DCHS2: variants seen among roughly 807,000 people sequenced by gnomAD.
DCHS2 encodes the protein dachsous cadherin-related 2.
DCHS2 carries 142 observed loss-of-function variants against 182.4 expected under a neutral mutation model. The ratio of observed to expected loss-of-function variants is 0.78; its 90% CI spans 0.68 to 0.89. DCHS2 has a LOEUF of 0.89. Among genes scored for constraint, DCHS2 ranks in the 40% least tolerant of loss-of-function variants. The pLI is 0.00. For synonymous variants in DCHS2, 1,740 were observed against 1,663.3 expected, an observed-to-expected ratio of 1.05 and a Z score of -1.12; for missense variants, 4,319 against 4,198.6, an observed-to-expected ratio of 1.03 and a Z score of -0.79.
At chr4:154,319,021 A>G (rs945237472) in intron 9 of DCHS2, among the ~76,000 whole-genome samples, 1 of 152,140 alleles carries the variant, frequency 6.6e-6, no homozygotes, top group Non-Finnish European at 1.5e-5. Context: ...AACAGAGTAA[A>G]GAGCCCAGAA....
rs1468217192 is a variant in DCHS2 at position 154,489,716 on chromosome 4, G to A, written c.1640C>T (p.Ser547Leu). 1 of 1,551,590 alleles carries A rather than the reference G, an allele frequency of 6.4e-7. No individual in the cohort carries two copies. ...PLFSQQHYKA[S>L]VSEAAAPGTV... Reference sequence around the variant, plus strand: ...GCCAGGGGCCGCGGCCTCGGACACTGAGGCCTTGTAATGCTGTTGGCTGAA... The same window carrying A: ...GCCAGGGGCCGCGGCCTCGGACACTAAGGCCTTGTAATGCTGTTGGCTGAA... Residue 547 changes from serine to leucine, a missense_variant, in exon 1 of 20, where the codon TCA (serine) becomes TTA (leucine). By Grantham distance (145) the Ser-to-Leu change is moderately radical. Transcript: ENST00000357232.
Position 154,292,352 on chromosome 4 carries a change from C to G in DCHS2, c.6463+5499G>C, listed in dbSNP as rs115719735. Among the ~76,000 whole-genome samples the G allele has an allele frequency of 4.4e-3, 676 of 152,264 alleles. 4 individuals are homozygous for G. The highest frequency in any genetic ancestry group is 0.015 in the African/African-American group (643 of 41,554). On this transcript the variant is annotated intron_variant, in intron 13 of 19. Transcript: ENST00000357232. ...TGTCTGATTTCAGGGACTGATTTCA[C>G]TTTTTCACTCTGCACTTCACTATAT...
At chr4:154,337,916 T>A (rs563442595) in intron 3 of DCHS2, among the ~76,000 whole-genome samples, 26 of 152,170 alleles carry the variant, frequency 1.7e-4, no homozygotes, top group African/African-American at 2.4e-4. Flanking sequence ...AATTTTTGTA[T>A]CTTTAGTAGA....
chr4:154,387,040 T>C (rs1731452111), intron 1 of DCHS2, among the ~76,000 whole-genome samples: 1 of 152,218 alleles, frequency 6.6e-6, no homozygotes, highest in Non-Finnish European at 1.5e-5. Flanking sequence ...AGAACATCTT[T>C]TAAAAGGTTT....
At chr4:154,438,586 C>T (rs1207592765) in intron 1 of DCHS2, among the ~76,000 whole-genome samples, 1 of 152,126 alleles carries the variant, frequency 6.6e-6, no homozygotes, top group Admixed American at 6.6e-5. Context: ...TTTGCGCTAA[C>T]ATCGGTAAAC....
At chr4:154,245,493 T>A (rs1228291810) in intron 16 of DCHS2, among the ~76,000 whole-genome samples, 1 of 152,126 alleles carries the variant, frequency 6.6e-6, no homozygotes, top group African/African-American at 2.4e-5. Flanking sequence ...GGTAGAGGAT[T>A]TTTCAAAACT....
At chr4:154,441,602 T>TA (rs1319109702) in intron 1 of DCHS2, among the ~76,000 whole-genome samples, 1 of 143,116 alleles carries the variant, frequency 7.0e-6, no homozygotes, top group African/African-American at 2.5e-5. Flanking sequence ...ACTCCTCTTG[T>TA]ACCAGAACAT....
chr4:154,447,521 A>G (rs1412413225), intron 1 of DCHS2, among the ~76,000 whole-genome samples: 2 of 152,162 alleles, frequency 1.3e-5, no homozygotes, highest in East Asian at 1.9e-4. Flanking sequence ...TTAAAAATAT[A>G]TATCTTTAGG....
At chr4:154,259,944 T>C (rs1040913834) in intron 14 of DCHS2, among the ~76,000 whole-genome samples, 188 bp from the exon 15 acceptor site, 3 of 152,154 alleles carry the variant, frequency 2.0e-5, no homozygotes, top group Non-Finnish European at 2.9e-5. Context: ...TGCCTCAGCC[T>C]CCTGAGTAGT....
intron 1 of DCHS2, among the ~76,000 whole-genome samples, chr4:154,464,810 C>G (rs1288383630): frequency 6.6e-6 from 1 of 152,184 alleles, no homozygotes; most frequent in Non-Finnish European, 1.5e-5. Context: ...GAAAGCCCTG[C>G]TGGACTCCCT....
At chr4:154,259,493 G>GACACACCCACACACACAC in intron 15 of DCHS2, 52 bp downstream of exon 15, 1 of 1,575,786 alleles carries the variant, frequency 6.3e-7, no homozygotes, top group Non-Finnish European at 8.6e-7. Context: ...CTCTCACACA[G>GACACACCCACACACACAC]ACACACCCAC....
intron 1 of DCHS2, among the ~76,000 whole-genome samples, chr4:154,454,219 T>C (rs1416040606): frequency 6.6e-6 from 1 of 152,132 alleles, no homozygotes; most frequent in Non-Finnish European, 1.5e-5. Flanking sequence ...GAAATTGTTT[T>C]AATCAGAGAA....
At chr4:154,451,458 C>A (rs914645610) in intron 1 of DCHS2, among the ~76,000 whole-genome samples, 2 of 152,112 alleles carry the variant, frequency 1.3e-5, no homozygotes, top group Non-Finnish European at 2.9e-5. Flanking sequence ...TATATATAGG[C>A]TCAAAGTGGC....
At chr4:154,446,997 C>T (rs892297356) in intron 1 of DCHS2, among the ~76,000 whole-genome samples, 1 of 151,846 alleles carries the variant, frequency 6.6e-6, no homozygotes, top group Non-Finnish European at 1.5e-5. Flanking sequence ...GCAAGTAAAA[C>T]TAGGGAAATC....
intron 1 of DCHS2, among the ~76,000 whole-genome samples, chr4:154,484,685 A>C (rs1728513909): frequency 6.6e-6 from 1 of 152,248 alleles, no homozygotes; most frequent in South Asian, 2.1e-4. Flanking sequence ...TAATTTCCCT[A>C]ATGGGCTATG....
At chr4:154,481,208 AACATG>A (rs1321009315) in intron 1 of DCHS2, among the ~76,000 whole-genome samples, 3 of 152,226 alleles carry the variant, frequency 2.0e-5, no homozygotes, top group Non-Finnish European at 4.4e-5. Flanking sequence ...CTAGCCATTT[AACATG>A]ACTAGCCATA....
chr4:154,344,952 A>T (rs1729289884), intron 3 of DCHS2, among the ~76,000 whole-genome samples: 1 of 152,194 alleles, frequency 6.6e-6, no homozygotes, highest in Non-Finnish European at 1.5e-5. Flanking sequence ...TGATGGTGGC[A>T]TTTCTGAGGA....
chr4:154,485,378 T>C (rs1470016290), intron 1 of DCHS2, among the ~76,000 whole-genome samples: 2 of 152,158 alleles, frequency 1.3e-5, no homozygotes, highest in Non-Finnish European at 2.9e-5. Context: ...GCCCATTGGA[T>C]TTGAAAGAAA....
intron 1 of DCHS2, among the ~76,000 whole-genome samples, chr4:154,455,831 T>C (rs1013662365): frequency 2.0e-5 from 3 of 152,206 alleles, no homozygotes; most frequent in Non-Finnish European, 2.9e-5. Flanking sequence ...GGCTCACGAA[T>C]GTAATCTTAG....
Sources: gnomAD v4.1 joint callset for allele counts (sites outside exome capture counted in the v4.1 genomes callset) on GRCh38, gnomAD v4.1.1 for gene constraint, MANE v1.5 for transcripts, NCBI Gene and HGNC (gene_info 2026-07-23, HGNC 2026-07-21) for gene names.